The following ABCA6 variants were observed in gnomAD, a reference collection of about 807,000 sequenced individuals.
The protein encoded by ABCA6 is ATP-binding cassette sub-family A member 6.
ABCA6 carries 164 observed loss-of-function variants against 191.2 expected under a neutral mutation model. That is an observed-to-expected ratio of 0.86 (90% CI 0.76 to 0.98). The LOEUF (loss-of-function observed/expected upper bound fraction) is 0.98, where lower values mean the gene tolerates loss of function less well. ABCA6 is among the 50% of genes least tolerant of loss of function. The probability of loss-of-function intolerance (pLI) is 0.00; values close to 1 mark genes in which losing one functional copy is unlikely to be tolerated. For missense variants in ABCA6, 1,958 were observed against 1,894.1 expected (o/e 1.03, Z -0.63); for synonymous variants, 636 against 647.7 (o/e 0.98, Z 0.27).
rs376890344 is a variant in ABCA6, at chr17:69,115,325, C to T, written c.1606+51G>A. 7.4e-6 allele frequency: 10 copies of T among 1,351,602 alleles called. No individual in the cohort carries two copies. The African/African-American group carries it at 1.2e-4, about 16-fold the overall frequency. 83.7% of individuals were successfully genotyped at this position (1,351,602 alleles called of 1,614,324 possible). A position where few individuals can be genotyped will look rare whatever the true frequency, so the allele number is the denominator to read the frequency against. ...TTTAAAATGAGAGGCATATGCTTGA[C>T]CTCATTCTATTATAAGACATCTTGC... On this transcript the variant is annotated intron_variant, in intron 12 of 38. Transcript: ENST00000284425.
intron 16 of ABCA6, 186 bp from the exon 17 acceptor site, chr17:69,111,126 T>C: frequency 4.0e-6 from 2 of 494,526 alleles, no homozygotes; most frequent in Non-Finnish European, 7.0e-6. Flanking sequence ...ATATGGAAAA[T>C]GTATAAGCTC....
chr17:69,085,719 G>C lies in ABCA6; in HGVS notation c.3938-3C>G. The C allele has an allele frequency of 6.3e-7, 1 of 1,578,046 alleles. No homozygotes were observed. Among genetic ancestry groups the C allele is most frequent in the Non-Finnish European group, 8.7e-7 (1 of 1,149,940 alleles). ...TCCTAGCAATCCCAAAATTTCACCT[G>C]AAAGAAAGAATCAGACTATCAATAT... On this transcript the variant is annotated splice_polypyrimidine_tract_variant and splice_region_variant and intron_variant, in intron 30 of 38. Coordinates refer to ENST00000284425, the MANE Select transcript of ABCA6 (RefSeq NM_080284.3).
chr17:69,117,384 C>CT (rs2073556421), intron 11 of ABCA6, among the ~76,000 whole-genome samples: 1 of 152,090 alleles, frequency 6.6e-6, no homozygotes, highest in South Asian at 2.1e-4. Context: ...GCTTAAATGT[C>CT]TGTTATAGAA....
chr17:69,111,966 G>A, intron 16 of ABCA6: 1 of 467,562 alleles, frequency 2.1e-6, no homozygotes, highest in Admixed American at 3.6e-5. Flanking sequence ...GTCTTGCTGT[G>A]AAAAGTCAGG....
chr17:69,106,198 C>T lies in ABCA6; in HGVS notation c.2403G>A (p.Val801=), dbSNP rs556558241. Residue 801 remains valine, a synonymous_variant, in exon 19 of 39, where the codon GTG becomes GTA. Coordinates refer to ENST00000284425, the MANE Select transcript of ABCA6 (RefSeq NM_080284.3). ...GGCTTTCTGAGTCTCTTATCATCTCCACTTGTTCGAAATCTATAAACACAC... is the reference window on the plus strand; with the variant it reads ...GGCTTTCTGAGTCTCTTATCATCTCTACTTGTTCGAAATCTATAAACACAC... ...QSTIEQDFEQ[V]EMIRDSESLN... 16 of 1,611,442 alleles carry T rather than the reference C, an allele frequency of 9.9e-6. No individual in the cohort carries two copies. The South Asian group carries it at 1.5e-4, about 16-fold the overall frequency.
rs553779771 is a variant in ABCA6 at position 69,140,578 on chromosome 17, C to A, written c.96+30G>T. ...TAATGAAACACTGTAAGAGTGCTAA[C>A]CGTGGAAAGAGACAAATTTTTAAAC... On this transcript the variant is annotated intron_variant, in intron 2 of 38. Coordinates refer to ENST00000284425, the MANE Select transcript of ABCA6 (RefSeq NM_080284.3). 9.6e-6 allele frequency: 14 copies of A among 1,453,540 alleles called. No homozygotes were observed. The East Asian group carries it at 3.3e-4, about 34-fold the overall frequency. The allele number at this position is 1,453,540 out of a possible 1,614,324, so 90.0% of individuals were successfully genotyped here.
Position 69,087,451 on chromosome 17 carries a change from C to T in ABCA6, c.3721G>A (p.Ala1241Thr). The T allele has an allele frequency of 6.2e-7, 1 of 1,613,862 alleles. No homozygotes were observed. The highest frequency in any genetic ancestry group is 1.1e-5 in the South Asian group (1 of 91,074). ...VFRISPQSRDAKPNPEEPIDE... is the reference protein window; with the variant it reads ...VFRISPQSRDTKPNPEEPIDE... ...ATGGGTTCTTCTGGATTTGGCTTAG[C>T]ATCTCTACTTTGGGGGGAAATTCTA... Residue 1241 changes from alanine to threonine, a missense_variant, in exon 29 of 39, where the codon GCT becomes ACT. By Grantham distance (58) the Ala-to-Thr change is moderately conservative. Coordinates refer to ENST00000284425, the MANE Select transcript of ABCA6 (RefSeq NM_080284.3).
chr17:69,120,823 T>C (rs1288706774), intron 10 of ABCA6, among the ~76,000 whole-genome samples: 1 of 152,062 alleles, frequency 6.6e-6, no homozygotes, highest in Non-Finnish European at 1.5e-5. Context: ...GGAATGCACA[T>C]ATGTGTACAC....
intron 13 of ABCA6, 44 bp downstream of exon 13, chr17:69,114,718 G>A (rs753299662): frequency 2.5e-5 from 38 of 1,522,704 alleles, no homozygotes; most frequent in Non-Finnish European, 3.4e-5. Context: ...GATTTAATTT[G>A]GTAAGTGGTT....
intron 6 of ABCA6, among the ~76,000 whole-genome samples, chr17:69,131,827 C>A (rs2073867123): frequency 6.6e-6 from 1 of 152,118 alleles, no homozygotes; most frequent in Admixed American, 6.6e-5. Flanking sequence ...ATGTTCCATA[C>A]CTTTCTGACT....
At position 69,079,278 on chromosome 17, in the gene ABCA6, A is replaced by G. The variant is rs1201733653; in HGVS notation, c.4697-13T>C. ...AAGTTATGCTTCACTGGAGGAAAAA[A>G]AAGACTAGTATTAATAGTAGATGCT... is the stretch of plus-strand genomic sequence containing the variant. On this transcript the variant is annotated splice_polypyrimidine_tract_variant and intron_variant, in intron 37 of 38. Transcript: ENST00000284425. The G allele has an allele frequency of 3.1e-6, 5 of 1,599,990 alleles. No individual in the cohort carries two copies. The highest frequency in any genetic ancestry group is 4.3e-6 in the Non-Finnish European group (5 of 1,172,916).
chr17:69,137,258 T>A (rs1277093157), intron 3 of ABCA6, 38 bp downstream of exon 3: 1 of 1,574,626 alleles, frequency 6.4e-7, no homozygotes, highest in African/African-American at 1.4e-5. Flanking sequence ...TATATAGACA[T>A]CTATCAGTAA....
At chr17:69,112,024 C>T (rs987346792) in intron 16 of ABCA6, 159 bp downstream of exon 16, 1 of 587,212 alleles carries the variant, frequency 1.7e-6, no homozygotes, top group African/African-American at 1.9e-5. Context: ...ATTGTAAAGA[C>T]ACAGGAGGAA....
chr17:69,103,730 T>A (rs1318927022), intron 20 of ABCA6, among the ~76,000 whole-genome samples: 1 of 152,048 alleles, frequency 6.6e-6, no homozygotes, highest in Admixed American at 6.6e-5. Flanking sequence ...TGGGAAAAGA[T>A]GACCCGTCAG....
At chr17:69,106,917 A>G (rs938541052) in intron 18 of ABCA6, among the ~76,000 whole-genome samples, 4 of 152,196 alleles carry the variant, frequency 2.6e-5, no homozygotes, top group Non-Finnish European at 5.9e-5. Context: ...ATTGTGCCCA[A>G]TCTTTGAAAA....
At position 69,086,712 on chromosome 17, in the gene ABCA6, A is replaced by G; in HGVS notation, c.3843T>C (p.Cys1281=). ...LDEKPVIIAS[C]LHKEYAGQKK... is the part of the protein sequence containing the mutation. ...TCTGGCCTGCATATTCTTTGTGTAG[A>G]CAGCTGGCAATTATAACAGGTTTCT... is the stretch of plus-strand genomic sequence containing the variant. The change falls in exon 30 of 39, where the codon TGT becomes TGC. Residue 1281 remains cysteine (C), a synonymous_variant. Transcript: ENST00000284425. 6.2e-7 allele frequency: 1 copy of G among 1,612,056 alleles called. No individual in the cohort carries two copies. Among genetic ancestry groups the G allele is most frequent in the South Asian group, 1.1e-5 (1 of 90,932 alleles).
intron 22 of ABCA6, among the ~76,000 whole-genome samples, chr17:69,099,149 A>G (rs890465954): frequency 2.6e-5 from 4 of 152,054 alleles, no homozygotes; most frequent in African/African-American, 9.7e-5. Flanking sequence ...ACTTTAAATC[A>G]CTACCCCCAA....
chr17:69,134,559 C>A, intron 5 of ABCA6, 80 bp downstream of exon 5: 1 of 1,007,492 alleles, frequency 9.9e-7, no homozygotes, highest in Non-Finnish European at 1.5e-6. Context: ...CGGACTAAGA[C>A]AATTATCTTT....
At position 69,123,275 on chromosome 17, in the gene ABCA6, G is replaced by C. The variant is rs538959210; in HGVS notation, c.1400C>G (p.Pro467Arg). ...AEHPSDDYFE[P>R]VAPEFQGKEA... ...TTTTCCTTGGAATTCAGGAGCTACT[G>C]GTTCAAAATAATCATCAGAGGGATG... Residue 467 changes from proline to arginine, a missense_variant, in exon 10 of 39, where the codon CCA becomes CGA. Transcript: ENST00000284425. The C allele has an allele frequency of 1.3e-6, 2 of 1,523,990 alleles. No homozygotes were observed. The highest frequency in any genetic ancestry group is 2.3e-5 in the East Asian group (1 of 42,568). 94.4% of individuals were successfully genotyped at this position (1,523,990 alleles called of 1,614,324 possible).
Sources: allele counts gnomAD v4.1 joint callset (sites outside exome capture counted in the v4.1 genomes callset), GRCh38; gene constraint gnomAD v4.1.1; transcripts MANE v1.5; gene names NCBI Gene and HGNC (gene_info 2026-07-23, HGNC 2026-07-21).